The following NPR3 variants were observed in gnomAD, a reference collection of about 807,000 sequenced individuals.
The protein encoded by NPR3 is atrial natriuretic peptide receptor 3.
NPR3 carries 34 observed loss-of-function variants against 54.5 expected under a neutral mutation model. The ratio of observed to expected loss-of-function variants is 0.62; its 90% CI spans 0.47 to 0.83. The LOEUF is 0.83. NPR3 is among the 40% of genes least tolerant of loss of function. NPR3 has a pLI of 0.00. For synonymous variants in NPR3, 289 were observed against 297.1 expected, an observed-to-expected ratio of 0.97 and a Z score of 0.28; for missense variants, 674 against 720.8, an observed-to-expected ratio of 0.94 and a Z score of 0.74.
rs1470830462 is a variant in NPR3, at chr5:32,712,346, C to T, written c.570C>T (p.Ala190=). ...CCAAGATGGGCGAGATGATGCTCGC[C>T]CTGTTCCGCCACCACCACTGGAGCC... ...AYAKMGEMML[A]LFRHHHWSRA... Residue 190 remains alanine (A), a synonymous_variant, in exon 1 of 8, where the codon GCC becomes GCT. Transcript: ENST00000265074. 2 of 1,612,986 alleles carry T rather than the reference C, an allele frequency of 1.2e-6. No homozygotes were observed. The highest frequency in any genetic ancestry group is 1.7e-6 in the Non-Finnish European group (2 of 1,179,424).
intron 3 of NPR3, among the ~76,000 whole-genome samples, chr5:32,748,462 C>G (rs1168741560): frequency 3.3e-5 from 5 of 152,148 alleles, no homozygotes; most frequent in Non-Finnish European, 7.4e-5. Context: ...CTGGAAGGAC[C>G]AAGGAAGAGG....
At chr5:32,759,301 A>G (rs1482192795) in intron 3 of NPR3, among the ~76,000 whole-genome samples, 1 of 152,168 alleles carries the variant, frequency 6.6e-6, no homozygotes, top group Non-Finnish European at 1.5e-5. Flanking sequence ...TATTGAGTGC[A>G]TATATATTTA....
At chr5:32,725,743 G>T (rs1161096554) in intron 2 of NPR3, among the ~76,000 whole-genome samples, 1 of 152,170 alleles carries the variant, frequency 6.6e-6, no homozygotes, top group African/African-American at 2.4e-5. Flanking sequence ...GTGTATATGT[G>T]CATGTTACAC....
chr5:32,760,370 A>C (rs1395438397), intron 3 of NPR3, among the ~76,000 whole-genome samples: 1 of 152,178 alleles, frequency 6.6e-6, no homozygotes, highest in Admixed American at 6.5e-5. Flanking sequence ...TGGTGGTGTC[A>C]GGTTTTTAAT....
intron 3 of NPR3, among the ~76,000 whole-genome samples, chr5:32,742,430 T>C (rs1011463892): frequency 2.0e-5 from 3 of 152,242 alleles, no homozygotes; most frequent in African/African-American, 4.8e-5. Flanking sequence ...GAGCCCAGAC[T>C]GGATAACATA....
At chr5:32,777,328 G>A (rs531181332) in intron 4 of NPR3, among the ~76,000 whole-genome samples, 1 of 152,334 alleles carries the variant, frequency 6.6e-6, no homozygotes, top group East Asian at 1.9e-4. Context: ...CCAGGGTTCA[G>A]TGCATCCTAG....
At chr5:32,725,101 A>G (rs1414741787) in intron 2 of NPR3, among the ~76,000 whole-genome samples, 1 of 152,178 alleles carries the variant, frequency 6.6e-6, no homozygotes, top group South Asian at 2.1e-4. Context: ...ACATGGGAAC[A>G]ATAGACACTG....
intron 6 of NPR3, among the ~76,000 whole-genome samples, chr5:32,783,830 C>G (rs1392143600): frequency 6.6e-6 from 1 of 152,062 alleles, no homozygotes; most frequent in East Asian, 1.9e-4. Context: ...CCTCAGTTTT[C>G]CAATGTGTGA....
At chr5:32,764,544 T>C (rs752034773) in intron 3 of NPR3, among the ~76,000 whole-genome samples, 1 of 151,936 alleles carries the variant, frequency 6.6e-6, no homozygotes, top group Non-Finnish European at 1.5e-5. Context: ...TCCCAGCACT[T>C]TGGGAGGCCG....
chr5:32,730,559 G>A (rs1426117607), intron 2 of NPR3, among the ~76,000 whole-genome samples: 1 of 152,146 alleles, frequency 6.6e-6, no homozygotes, highest in East Asian at 1.9e-4. Flanking sequence ...TGTCATGGCT[G>A]TCTATGTAGA....
chr5:32,782,932 A>G lies in NPR3; in HGVS notation c.1330A>G (p.Met444Val). ...TTTTGGAAAAGAAGGTCGTTTTGAA[A>G]TGCGGCCGAATGTCAAATATCCTTG... ...DYFGKEGRFEMRPNVKYPWGP... is the reference protein window; with the variant it reads ...DYFGKEGRFEVRPNVKYPWGP... The change falls in exon 6 of 8, where the codon ATG becomes GTG. Residue 444 changes from methionine to valine, a missense_variant. Transcript: ENST00000265074. The G allele has an allele frequency of 1.2e-6, 2 of 1,611,836 alleles. No individual in the cohort carries two copies. Among genetic ancestry groups the G allele is most frequent in the Non-Finnish European group, 1.7e-6 (2 of 1,178,752 alleles).
chr5:32,697,850 C>G (rs1185929650), intron 1 of NPR3, among the ~76,000 whole-genome samples: 1 of 151,912 alleles, frequency 6.6e-6, no homozygotes. Flanking sequence ...CCTTTTTCAT[C>G]TCTGATTTTA....
At chr5:32,719,238 A>G (rs769144437) in intron 1 of NPR3, among the ~76,000 whole-genome samples, 23 of 152,048 alleles carry the variant, frequency 1.5e-4, no homozygotes, top group Non-Finnish European at 3.1e-4. Context: ...GGGTTCTTCA[A>G]CATCTTCCTG....
intron 1 of NPR3, among the ~76,000 whole-genome samples, chr5:32,693,665 C>T (rs1163301353): frequency 6.6e-6 from 1 of 152,212 alleles, no homozygotes; most frequent in Non-Finnish European, 1.5e-5. Flanking sequence ...GGCCACATCA[C>T]ATCCTCAAAC....
chr5:32,775,185 C>T (rs1465753838), intron 4 of NPR3, among the ~76,000 whole-genome samples: 1 of 152,158 alleles, frequency 6.6e-6, no homozygotes, highest in African/African-American at 2.4e-5. Flanking sequence ...CCCAGATATA[C>T]ATTCATGTGT....
At chr5:32,781,451 T>C (rs1208915255) in intron 5 of NPR3, among the ~76,000 whole-genome samples, 1 of 128,604 alleles carries the variant, frequency 7.8e-6, no homozygotes, top group Non-Finnish European at 1.6e-5. Context: ...ACTTCCTCTG[T>C]TTCCTTGATC....
intron 3 of NPR3, among the ~76,000 whole-genome samples, chr5:32,741,575 A>G (rs1423539634): frequency 1.3e-5 from 2 of 152,216 alleles, no homozygotes; most frequent in South Asian, 4.1e-4. Flanking sequence ...CAAACCTGAT[A>G]AGAGCACTTT....
chr5:32,719,889 G>A (rs2111874225), intron 1 of NPR3, among the ~76,000 whole-genome samples: 1 of 151,572 alleles, frequency 6.6e-6, no homozygotes, highest in South Asian at 2.1e-4. Context: ...TCAGTGTGCA[G>A]GACATGGCAT....
At chr5:32,710,622 T>C, upstream of NPR3, 1 of 1,439,486 alleles carries the variant, frequency 6.9e-7, no homozygotes, top group Non-Finnish European at 9.2e-7. Context: ...GAAGGCGGGG[T>C]GTAGGTGACG....
Sources: gnomAD v4.1 joint callset for allele counts (sites outside exome capture counted in the v4.1 genomes callset) on GRCh38, gnomAD v4.1.1 for gene constraint, MANE v1.5 for transcripts, NCBI Gene and HGNC (gene_info 2026-07-23, HGNC 2026-07-21) for gene names.